The following DNAH11 variants were observed in gnomAD, a reference collection of about 807,000 sequenced individuals.
DNAH11 encodes the protein dynein axonemal heavy chain 11, also known as axonemal beta dynein heavy chain 11.
DNAH11 carries 442 observed loss-of-function variants against 526.0 expected under a neutral mutation model. That is an observed-to-expected ratio of 0.84 (90% CI 0.78 to 0.91). DNAH11 has a LOEUF of 0.91. Ranked by LOEUF, DNAH11 falls within the 40% of genes least tolerant of loss-of-function variation. The pLI, the probability that DNAH11 is intolerant of heterozygous loss-of-function variation, is 0.00. For synonymous variants in DNAH11, 2,461 were observed against 1,935.9 expected, an observed-to-expected ratio of 1.27 and a Z score of -7.12; for missense variants, 6,989 against 5,448.7, an observed-to-expected ratio of 1.28 and a Z score of -8.90.
chr7:21,800,661 G>A (rs1385399638), intron 61 of DNAH11, among the ~76,000 whole-genome samples: 4 of 152,230 alleles, frequency 2.6e-5, no homozygotes, highest in Non-Finnish European at 4.4e-5. Flanking sequence ...TCCGATTGGC[G>A]AAGCTGGGTC....
intron 25 of DNAH11, among the ~76,000 whole-genome samples, chr7:21,621,021 A>G (rs1217398515): frequency 1.3e-5 from 2 of 151,906 alleles, no homozygotes; most frequent in African/African-American, 2.4e-5. Context: ...GCCACAATAA[A>G]CATACGTGTG....
chr7:21,744,541 A>G lies in DNAH11; in HGVS notation c.8258A>G (p.Lys2753Arg), dbSNP rs761852954. The G allele has an allele frequency of 2.3e-5, 37 of 1,613,386 alleles. No individual in the cohort carries two copies. Among genetic ancestry groups the G allele is most frequent in the East Asian group, 4.5e-5 (2 of 44,896 alleles). The change falls in exon 50 of 82, where the codon AAA becomes AGA. Residue 2753 changes from lysine (K) to arginine (R), a missense_variant. Transcript: ENST00000409508. ...ARVYGDKLIDKKDCDLFQRRM... is the reference protein window; with the variant it reads ...ARVYGDKLIDRKDCDLFQRRM... ...GTTTATGGAGACAAACTGATAGACA[A>G]AAAAGATTGTGATTTGTTTCAGAGA...
intron 68 of DNAH11, among the ~76,000 whole-genome samples, chr7:21,861,392 A>G (rs139495135): frequency 6.6e-6 from 1 of 152,356 alleles, no homozygotes; most frequent in East Asian, 1.9e-4. Context: ...CCAAAAATGT[A>G]TGGCCTTGAA....
Position 21,803,025 on chromosome 7 carries a change from C to T in DNAH11, c.10165+1750C>T, listed in dbSNP as rs140122053. ...ATTTCATGGTATGTGAATTATATCTCAATAAAGCAGTTACTTTTTAAAGTA... is the reference window on the plus strand; with the variant it reads ...ATTTCATGGTATGTGAATTATATCTTAATAAAGCAGTTACTTTTTAAAGTA... On this transcript the variant is annotated intron_variant, in intron 62 of 81. Transcript: ENST00000409508. Among the ~76,000 whole-genome samples the T allele has an allele frequency of 2.1e-3, 316 of 151,488 alleles. 1 individual carries two copies. The highest frequency in any genetic ancestry group is 7.2e-3 in the African/African-American group (299 of 41,334).
intron 28 of DNAH11, among the ~76,000 whole-genome samples, chr7:21,646,211 C>G (rs1265337777): frequency 6.6e-6 from 1 of 152,028 alleles, no homozygotes; most frequent in East Asian, 1.9e-4. Flanking sequence ...AAATGTAAAC[C>G]AAAACCACAA....
intron 1 of DNAH11, chr7:21,543,831 C>G: frequency 1.8e-6 from 1 of 559,822 alleles, no homozygotes; most frequent in Admixed American, 3.5e-5. Context: ...GAGAATCCCG[C>G]GTTGAGCCTG....
At position 21,901,119 on chromosome 7, in the gene DNAH11, C is replaced by G; in HGVS notation, c.13416C>G (p.Thr4472=). Residue 4472 remains threonine (T), a synonymous_variant, in exon 82 of 82, where the codon ACC becomes ACG. Transcript: ENST00000409508. ...CCACCCCCGTGGACAGACAAGAAAC[C>G]AAACAGACCTACGAGTGCCCTGTGT... ...AKATPVDRQE[T]KQTYECPVYR... 6.2e-7 allele frequency: 1 copy of G among 1,613,386 alleles called. No homozygotes were observed. Among genetic ancestry groups the G allele is most frequent in the African/African-American group, 1.3e-5 (1 of 75,004 alleles).
chr7:21,545,812 CTT>C (rs1782785089), intron 2 of DNAH11, among the ~76,000 whole-genome samples: 1 of 152,164 alleles, frequency 6.6e-6, no homozygotes, highest in African/African-American at 2.4e-5. Flanking sequence ...TGCTGATGCT[CTT>C]TGTTTGTGGA....
chr7:21,598,561 G>A (rs918773390), intron 14 of DNAH11, among the ~76,000 whole-genome samples: 8 of 151,132 alleles, frequency 5.3e-5, no homozygotes, highest in African/African-American at 7.3e-5. Flanking sequence ...CTATTCCACA[G>A]GTTGCTTATC....
Position 21,892,653 on chromosome 7 carries a change from T to C in DNAH11, c.12736T>C (p.Ser4246Pro), listed in dbSNP as rs1784367486. ...NALSGDELGQSTEEKVKNVLD... is the reference protein window; with the variant it reads ...NALSGDELGQPTEEKVKNVLD... ...ACTCAGTGGTGATGAACTGGGGCAG[T>C]CTACAGAAGAAAAGGTAGAGGGTCT... is the stretch of plus-strand genomic sequence containing the variant. Residue 4246 changes from serine to proline, a missense_variant, in exon 77 of 82, where the codon TCT becomes CCT. Physicochemically the swap from Ser to Pro is moderately conservative, Grantham distance 74. Transcript: ENST00000409508. 1 of 1,604,830 alleles carries C rather than the reference T, an allele frequency of 6.2e-7. No homozygotes were observed. The highest frequency in any genetic ancestry group is 1.3e-5 in the African/African-American group (1 of 74,778).
In DNAH11 at chr7:21,620,062, C is replaced by T. The variant is rs1785970988; in HGVS notation, c.4484C>T (p.Thr1495Ile). Residue 1495 changes from threonine to isoleucine, a missense_variant, in exon 25 of 82, where the codon ACT (threonine) becomes ATT (isoleucine). Thr to Ile is a moderately conservative substitution (Grantham distance 89, BLOSUM62 -1). Transcript: ENST00000409508. The part of the protein sequence containing the change: ...LLKSDEQLFE[T>I]LEHNQVQLQT... Reference sequence around the variant, plus strand: ...AAGTCTGATGAACAACTTTTTGAAACTCTAGAGCACAACCAAGTAAGATGG... The same window carrying T: ...AAGTCTGATGAACAACTTTTTGAAATTCTAGAGCACAACCAAGTAAGATGG... 1 of 1,593,156 alleles carries T rather than the reference C, an allele frequency of 6.3e-7. No homozygotes were observed. Among genetic ancestry groups the T allele is most frequent in the Non-Finnish European group, 8.5e-7 (1 of 1,173,306 alleles).
chr7:21,869,777 A>G (rs1294384541), intron 73 of DNAH11, among the ~76,000 whole-genome samples: 1 of 152,234 alleles, frequency 6.6e-6, no homozygotes, highest in African/African-American at 2.4e-5. Flanking sequence ...ATTGTAAATT[A>G]TAGGGGTTTG....
chr7:21,548,963 C>T (rs924014811), intron 2 of DNAH11, among the ~76,000 whole-genome samples: 1 of 151,798 alleles, frequency 6.6e-6, no homozygotes, highest in African/African-American at 2.4e-5. Context: ...CTCACTGCAA[C>T]CTCTGCCTCC....
intron 57 of DNAH11, among the ~76,000 whole-genome samples, chr7:21,782,569 C>T (rs1787994963): frequency 6.6e-6 from 1 of 152,112 alleles, no homozygotes; most frequent in Non-Finnish European, 1.5e-5. Flanking sequence ...AAAAATACTC[C>T]ATTAATAGTA....
At chr7:21,860,978 C>T (rs1248415291) in intron 68 of DNAH11, among the ~76,000 whole-genome samples, 1 of 152,084 alleles carries the variant, frequency 6.6e-6, no homozygotes, top group Non-Finnish European at 1.5e-5. Context: ...AGAAACTGCC[C>T]CCATGATTCA....
intron 45 of DNAH11, among the ~76,000 whole-genome samples, chr7:21,733,829 C>T (rs1254775602): frequency 6.6e-6 from 1 of 152,032 alleles, no homozygotes; most frequent in Admixed American, 6.6e-5. Context: ...CAGGGACTGT[C>T]GCTAGCCTTT....
chr7:21,545,493 G>A (rs1177631225), intron 2 of DNAH11, among the ~76,000 whole-genome samples: 1 of 152,102 alleles, frequency 6.6e-6, no homozygotes, highest in Non-Finnish European at 1.5e-5. Context: ...TTAGCAGCAG[G>A]TTTTAAGCTT....
At chr7:21,829,057 C>T (rs992186754) in intron 65 of DNAH11, among the ~76,000 whole-genome samples, 1 of 152,114 alleles carries the variant, frequency 6.6e-6, no homozygotes, top group Admixed American at 6.6e-5. Flanking sequence ...TAACAACTCC[C>T]CTCTTGTGGT....
intron 28 of DNAH11, among the ~76,000 whole-genome samples, chr7:21,653,054 G>A (rs554699511): frequency 4.1e-4 from 63 of 152,016 alleles, no homozygotes; most frequent in African/African-American, 1.4e-3. Flanking sequence ...TTTTGTATTT[G>A]TAGTAGGAAC....
Sources: allele counts gnomAD v4.1 joint callset (sites outside exome capture counted in the v4.1 genomes callset), GRCh38; gene constraint gnomAD v4.1.1; transcripts MANE v1.5; gene names NCBI Gene and HGNC (gene_info 2026-07-23, HGNC 2026-07-21).